The following IL1RAPL2 variants were observed in gnomAD, a reference collection of about 807,000 sequenced individuals.
IL1RAPL2 encodes X-linked interleukin-1 receptor accessory protein-like 2.
Under a neutral mutation model 44.1 loss-of-function variants are expected in IL1RAPL2, and 3 were observed. The ratio of observed to expected loss-of-function variants is 0.07; its 90% CI spans 0.03 to 0.18. IL1RAPL2 has a LOEUF of 0.18. Ranked by LOEUF, IL1RAPL2 falls within the 10% of genes least tolerant of loss-of-function variation. IL1RAPL2 has a pLI of 1.00. For missense variants in IL1RAPL2, 391 were observed against 496.4 expected, an observed-to-expected ratio of 0.79 and a Z score of 2.02; for synonymous variants, 181 against 178.8, an observed-to-expected ratio of 1.01 and a Z score of -0.10.
At chrX:105,555,673 G>C (rs989312165) in intron 6 of IL1RAPL2, among the ~76,000 whole-genome samples, 1 of 112,168 alleles carries the variant, frequency 8.9e-6, no homozygotes, top group African/African-American at 3.2e-5. Flanking sequence ...TAAACTCCAA[G>C]TGTCTTGCAA....
intron 2 of IL1RAPL2, among the ~76,000 whole-genome samples, chrX:105,017,891 T>G (rs753383016): frequency 1.0e-3 from 117 of 112,020 alleles, no homozygotes; most frequent in African/African-American, 3.6e-3. Flanking sequence ...CTGACACCAG[T>G]GCATTGCACA....
chrX:104,964,380 C>T (rs1213154553), intron 2 of IL1RAPL2, among the ~76,000 whole-genome samples: 3 of 105,826 alleles, frequency 2.8e-5, no homozygotes, highest in East Asian at 6.0e-4. Flanking sequence ...GGTGTGATCT[C>T]GGCTCACTGC....
At chrX:105,750,233 G>T (rs1602554534) in intron 9 of IL1RAPL2, among the ~76,000 whole-genome samples, 1 of 99,677 alleles carries the variant, frequency 1.0e-5, no homozygotes, top group Admixed American at 1.1e-4. Context: ...TTTTTTTTTT[G>T]TTAACTGCAA....
rs1177612147 is a variant in IL1RAPL2 at position 104,797,768 on chromosome X, G to C, written c.82+138773G>C. Among the ~76,000 whole-genome samples, 3 of 112,137 alleles carry C rather than the reference G, an allele frequency of 2.7e-5. No individual in the cohort carries two copies. The East Asian group carries it at 8.4e-4, about 31-fold the overall frequency. ...GTTAGCCTTCTCCAAAATTAAAATT[G>C]CTGTGCTAAGACAAAGATAGAATCA... On this transcript the variant is annotated intron_variant, in intron 2 of 10. Coordinates refer to ENST00000372582, the MANE Select transcript of IL1RAPL2 (RefSeq NM_017416.2).
chrX:105,487,002 G>C (rs1394335817), intron 6 of IL1RAPL2, among the ~76,000 whole-genome samples: 5 of 103,958 alleles, frequency 4.8e-5, no homozygotes, highest in Non-Finnish European at 9.7e-5. Context: ...TGAGGCAGGA[G>C]AATGGTGTGA....
At chrX:105,413,564 T>C (rs2035712144) in intron 5 of IL1RAPL2, among the ~76,000 whole-genome samples, 1 of 111,915 alleles carries the variant, frequency 8.9e-6, no homozygotes, top group Non-Finnish European at 1.9e-5. Context: ...TCCTAGAGTC[T>C]CCAGAAGGAA....
At chrX:104,674,558 CT>C (rs1037560571) in intron 2 of IL1RAPL2, among the ~76,000 whole-genome samples, 2 of 111,508 alleles carry the variant, frequency 1.8e-5, no homozygotes, top group Non-Finnish European at 1.9e-5. Flanking sequence ...CTAAAATTCT[CT>C]TTTTTTATTG....
At chrX:105,228,776 T>C (rs2034041137) in intron 3 of IL1RAPL2, among the ~76,000 whole-genome samples, 1 of 112,016 alleles carries the variant, frequency 8.9e-6, no homozygotes, top group Non-Finnish European at 1.9e-5. Context: ...GTTCTGAGAG[T>C]ATCCAGGGGC....
chrX:104,728,719 C>A (rs774591229), intron 2 of IL1RAPL2, among the ~76,000 whole-genome samples: 1 of 111,179 alleles, frequency 9.0e-6, no homozygotes, highest in Non-Finnish European at 1.9e-5. Context: ...ATGCTAGGGG[C>A]AGGGCCTAGA....
intron 10 of IL1RAPL2, among the ~76,000 whole-genome samples, chrX:105,757,134 TACCAC>T (rs1373861844): frequency 3.6e-5 from 4 of 111,874 alleles, no homozygotes; most frequent in Non-Finnish European, 7.5e-5. Flanking sequence ...ATTTGTCTCC[TACCAC>T]TTCCTCTACT....
rs1602784603 is a variant in IL1RAPL2, at chrX:104,889,363, C to A, written c.82+230368C>A. 2.7e-5 allele frequency among the ~76,000 whole-genome samples: 3 copies of A among 111,887 alleles called. No individual in the cohort carries two copies. In the Admixed American group the frequency reaches 2.8e-4, roughly 11 times the overall value. ...AGGGAGCCACTCAGTTTGATCCCAA[C>A]ACCCTTCCACCCGCTCACCAGAGCT... On this transcript the variant is annotated intron_variant, in intron 2 of 10. Coordinates refer to ENST00000372582, the MANE Select transcript of IL1RAPL2 (RefSeq NM_017416.2).
Position 105,278,522 on chromosome X carries a change from C to G in IL1RAPL2, c.697+10981C>G, listed in dbSNP as rs768867048. ...GCTGAGAATATTCTATCAAGGCACC[C>G]TTCCATAGGAATGAAAACTAGGAGC... On this transcript the variant is annotated intron_variant, in intron 5 of 10. Coordinates refer to ENST00000372582, the MANE Select transcript of IL1RAPL2 (RefSeq NM_017416.2). 4.5e-5 allele frequency among the ~76,000 whole-genome samples: 5 copies of G among 111,572 alleles called. No individual in the cohort carries two copies. The South Asian group carries it at 1.9e-3, about 42-fold the overall frequency.
Position 104,811,180 on chromosome X carries a change from G to C in IL1RAPL2, c.82+152185G>C, listed in dbSNP as rs1932974040. ...AGACAAATAATAACTGCCTAGAAAA[G>C]TAACAGAAAAAAAACCCTGAATTGC... On this transcript the variant is annotated intron_variant, in intron 2 of 10. Coordinates refer to ENST00000372582, the MANE Select transcript of IL1RAPL2 (RefSeq NM_017416.2). Among the ~76,000 whole-genome samples, 3 of 110,566 alleles carry C rather than the reference G, an allele frequency of 2.7e-5. No individual in the cohort carries two copies. In the South Asian group the frequency reaches 1.1e-3, roughly 41 times the overall value.
At chrX:105,722,166 C>T (rs952514731) in intron 7 of IL1RAPL2, among the ~76,000 whole-genome samples, 28 of 111,885 alleles carry the variant, frequency 2.5e-4, no homozygotes, top group Non-Finnish European at 4.0e-4. Flanking sequence ...TATTATTGTA[C>T]TGAATACTGT....
chrX:105,318,334 T>C (rs2034867867), intron 5 of IL1RAPL2, among the ~76,000 whole-genome samples: 1 of 111,758 alleles, frequency 8.9e-6, no homozygotes, highest in Non-Finnish European at 1.9e-5. Context: ...CTAGGAGTTT[T>C]ATGTTAGAGA....
intron 5 of IL1RAPL2, among the ~76,000 whole-genome samples, chrX:105,374,112 T>C (rs2035366245): frequency 1.3e-5 from 1 of 79,441 alleles, no homozygotes; most frequent in Admixed American, 1.4e-4. Context: ...AGAGCAAGAC[T>C]GTCAAAAAAA....
intron 2 of IL1RAPL2, among the ~76,000 whole-genome samples, chrX:104,854,312 G>T (rs910547713): frequency 9.0e-6 from 1 of 110,831 alleles, no homozygotes; most frequent in African/African-American, 3.3e-5. Context: ...TAAGTGGTGA[G>T]AAAGAAAAGA....
intron 5 of IL1RAPL2, among the ~76,000 whole-genome samples, chrX:105,418,318 A>G (rs2035749202): frequency 9.0e-6 from 1 of 111,321 alleles, no homozygotes; most frequent in Admixed American, 9.6e-5. Flanking sequence ...GTTATTTTGT[A>G]TAGTAGGGTC....
chrX:104,672,886 A>C (rs1727922058), intron 2 of IL1RAPL2, among the ~76,000 whole-genome samples: 1 of 112,032 alleles, frequency 8.9e-6, no homozygotes, highest in East Asian at 2.8e-4. Flanking sequence ...TTGGCTGCAT[A>C]AATGTCTTCT....
Sources: allele counts gnomAD v4.1 joint callset (sites outside exome capture counted in the v4.1 genomes callset), GRCh38; gene constraint gnomAD v4.1.1; transcripts MANE v1.5; gene names NCBI Gene and HGNC (gene_info 2026-07-23, HGNC 2026-07-21).